The following EXOSC5 variants were observed in gnomAD, a reference collection of about 807,000 sequenced individuals.
EXOSC5 encodes the protein exosome complex component RRP46.
In EXOSC5, 15 loss-of-function variants were observed where a neutral mutation model predicts 23.7. The observed-to-expected ratio is 0.63, with a 90% CI of 0.42 to 0.97. EXOSC5 has a LOEUF of 0.97. Among genes scored for constraint, EXOSC5 ranks in the 50% least tolerant of loss-of-function variants. EXOSC5 has a pLI of 0.00. For missense variants in EXOSC5, 305 were observed against 316.3 expected (o/e 0.96, Z 0.27); for synonymous variants, 143 against 140.9 (o/e 1.02, Z -0.11).
intron 3 of EXOSC5, among the ~76,000 whole-genome samples, chr19:41,390,271 A>T (rs2039014441): frequency 6.6e-6 from 1 of 152,122 alleles, no homozygotes; most frequent in Non-Finnish European, 1.5e-5. Context: ...AGCAGAGCAG[A>T]TCCATGCCTC....
In EXOSC5 at chr19:41,397,305, G is replaced by C. The variant is rs547685483; in HGVS notation, c.24C>G (p.Asp8Glu). Residue 8 changes from aspartate to glutamate, a missense_variant, in exon 1 of 6, where the codon GAC becomes GAG. Physicochemically the swap from Asp to Glu is conservative, Grantham distance 45. Transcript: ENST00000221233. MEEETHTDAKIRAENGTG... is the reference protein window; with the variant it reads MEEETHTEAKIRAENGTG... ...TTCCATTTTCAGCACGGATTTTGGC[G>C]TCAGTATGCGTCTCCTCCTCCATCG... is the stretch of plus-strand genomic sequence containing the variant. The C allele has an allele frequency of 1.7e-5, 27 of 1,613,828 alleles. No homozygotes were observed. The South Asian group carries it at 2.9e-4, about 17-fold the overall frequency.
chr19:41,387,202 G>T (rs2038990779), intron 5 of EXOSC5, among the ~76,000 whole-genome samples: 1 of 152,108 alleles, frequency 6.6e-6, no homozygotes, highest in African/African-American at 2.4e-5. Context: ...GAGTTTCCAG[G>T]CTCTGCCCCT....
intron 1 of EXOSC5, among the ~76,000 whole-genome samples, chr19:41,394,896 C>T (rs1356766970): frequency 4.6e-5 from 7 of 151,814 alleles, no homozygotes; most frequent in African/African-American, 9.7e-5. Context: ...TAGCCGGGCG[C>T]GGTGGCACGC....
chr19:41,386,729 C>A lies in EXOSC5; in HGVS notation c.616-4G>T. 6.3e-7 allele frequency: 1 copy of A among 1,582,332 alleles called. No individual in the cohort carries two copies. ...CCGCAGCCAGGCACTGCTGGAGCTG[C>A]GGGGGAGAGACTGGTCGGTGCTGGG... On this transcript the variant is annotated splice_region_variant and splice_polypyrimidine_tract_variant and intron_variant, in intron 5 of 5. Transcript: ENST00000221233.
intron 4 of EXOSC5, among the ~76,000 whole-genome samples, chr19:41,389,411 G>A (rs201625065): frequency 1.3e-5 from 2 of 151,928 alleles, no homozygotes; most frequent in Non-Finnish European, 2.9e-5. Flanking sequence ...GATTACAGGC[G>A]TGCGCCACCA....
At chr19:41,392,076 G>A in intron 2 of EXOSC5, 114 bp from the exon 3 acceptor site, 1 of 1,433,232 alleles carries the variant, frequency 7.0e-7, no homozygotes, top group Non-Finnish European at 9.2e-7. Context: ...GGATGGTGCA[G>A]TTACCTGCAG....
intron 1 of EXOSC5, among the ~76,000 whole-genome samples, chr19:41,396,485 C>T (rs890588869): frequency 1.3e-5 from 2 of 152,202 alleles, no homozygotes; most frequent in African/African-American, 2.4e-5. Context: ...GTGGGGATTA[C>T]AGGCGTGAGC....
chr19:41,392,792 A>G, intron 2 of EXOSC5, 75 bp downstream of exon 2: 1 of 1,354,804 alleles, frequency 7.4e-7, no homozygotes, highest in Non-Finnish European at 1.0e-6. Context: ...GACTCGGGGC[A>G]GCTGGTAGGG....
chr19:41,396,174 T>C (rs556435880), intron 1 of EXOSC5, among the ~76,000 whole-genome samples: 1 of 152,066 alleles, frequency 6.6e-6, no homozygotes, highest in Admixed American at 6.5e-5. Flanking sequence ...GCCCAGGAGT[T>C]CAAGACCAAC....
rs2038992170 is a variant in EXOSC5, at chr19:41,387,441, G to A, written c.615+73C>T. On this transcript the variant is annotated intron_variant, in intron 5 of 5. Transcript: ENST00000221233. ...CTCCTGAAGCCTCTCAGAATCCAGGGCAGAGTTGGGACAAGACCGTATGTC... is the reference window on the plus strand; with the variant it reads ...CTCCTGAAGCCTCTCAGAATCCAGGACAGAGTTGGGACAAGACCGTATGTC... 11 of 1,231,564 alleles carry A rather than the reference G, an allele frequency of 8.9e-6. No individual in the cohort carries two copies. In the South Asian group the frequency reaches 1.3e-4, roughly 14 times the overall value. The allele number at this position is 1,231,564 out of a possible 1,614,324, so 76.3% of individuals were successfully genotyped here. A position where few individuals can be genotyped will look rare whatever the true frequency, so the allele number is the denominator to read the frequency against.
At chr19:41,386,838 C>T in intron 5 of EXOSC5, 113 bp from the exon 6 acceptor site, 5 of 830,032 alleles carry the variant, frequency 6.0e-6, no homozygotes, top group African/African-American at 1.7e-5. Context: ...TCCCATCACT[C>T]CCCTGCCCCC....
At chr19:41,390,223 C>CA (rs1283342353) in intron 3 of EXOSC5, among the ~76,000 whole-genome samples, 1 of 152,142 alleles carries the variant, frequency 6.6e-6, no homozygotes, top group Non-Finnish European at 1.5e-5. Context: ...CATGAGCCAC[C>CA]ACGCCCAGCC....
intron 2 of EXOSC5, chr19:41,392,290 C>T (rs937516746): frequency 1.2e-5 from 4 of 345,848 alleles, no homozygotes; most frequent in African/African-American, 8.7e-5. Flanking sequence ...GGTGGAAAAA[C>T]AGGTTAATGG....
intron 1 of EXOSC5, among the ~76,000 whole-genome samples, chr19:41,395,659 C>T (rs1384867655): frequency 2.6e-5 from 4 of 152,176 alleles, no homozygotes; most frequent in Admixed American, 2.6e-4. Context: ...CAGGTCACCA[C>T]CATCTCCTGG....
At chr19:41,390,711 G>T (rs1353535069) in intron 3 of EXOSC5, among the ~76,000 whole-genome samples, 2 of 151,636 alleles carry the variant, frequency 1.3e-5, no homozygotes, top group African/African-American at 4.8e-5. Context: ...GGAGTCAGCT[G>T]GCTCTGCCTC....
At chr19:41,392,356 C>A (rs1479990625) in intron 2 of EXOSC5, among the ~76,000 whole-genome samples, 1 of 151,940 alleles carries the variant, frequency 6.6e-6, no homozygotes, top group African/African-American at 2.4e-5. Context: ...CTGAGGCGGG[C>A]GGATCACTTG....
At chr19:41,387,368 C>T (rs1568495911) in intron 5 of EXOSC5, 146 bp downstream of exon 5, 6 of 636,652 alleles carry the variant, frequency 9.4e-6, no homozygotes, top group Non-Finnish European at 1.5e-5. Flanking sequence ...GTTTCTGGGT[C>T]CACAAAGTTT....
chr19:41,388,818 G>A (rs1247002677), intron 4 of EXOSC5, among the ~76,000 whole-genome samples: 2 of 152,208 alleles, frequency 1.3e-5, no homozygotes, highest in African/African-American at 4.8e-5. Flanking sequence ...CTCCTAGGAT[G>A]GAAATGGAGC....
chr19:41,393,011 C>T, intron 1 of EXOSC5, 31 bp from the exon 2 acceptor site: 3 of 1,597,832 alleles, frequency 1.9e-6, no homozygotes, highest in Non-Finnish European at 2.6e-6. Context: ...GCCTCACTCA[C>T]AGCTTCCCTG....
Sources: gnomAD v4.1 joint callset for allele counts (sites outside exome capture counted in the v4.1 genomes callset) on GRCh38, gnomAD v4.1.1 for gene constraint, MANE v1.5 for transcripts, NCBI Gene and HGNC (gene_info 2026-07-23, HGNC 2026-07-21) for gene names.